The following CCDC74B variants were observed in gnomAD, a reference collection of about 807,000 sequenced individuals.
The protein encoded by CCDC74B is coiled-coil domain-containing protein 74B.
CCDC74B carries 34 observed loss-of-function variants against 38.0 expected under a neutral mutation model. That is an observed-to-expected ratio of 0.89 (90% CI 0.68 to 1.19). The LOEUF (loss-of-function observed/expected upper bound fraction) is 1.19, where lower values mean the gene tolerates loss of function less well. CCDC74B is among the 50% of genes most tolerant of loss of function. The probability of loss-of-function intolerance (pLI) is 0.00; values close to 1 mark genes in which losing one functional copy is unlikely to be tolerated. For missense variants in CCDC74B, 358 were observed against 406.0 expected (o/e 0.88, Z 1.02); for synonymous variants, 132 against 170.4 (o/e 0.77, Z 1.76).
At chr2:130,144,163 G>A (rs1435430392) in intron 1 of CCDC74B, among the ~76,000 whole-genome samples, 1 of 152,150 alleles carries the variant, frequency 6.6e-6, no homozygotes, top group African/African-American at 2.4e-5. Context: ...TTTTTGAGAC[G>A]GAGTCTCGCT....
Position 130,144,860 on chromosome 2 carries a change from G to A in CCDC74B, c.137C>T (p.Pro46Leu), listed in dbSNP as rs145189757. Residue 46 changes from proline to leucine, a missense_variant, in exon 1 of 8, where the codon CCG (proline) becomes CTG (leucine). Coordinates refer to ENST00000409943, the MANE Select transcript of CCDC74B (RefSeq NM_001258307.2). ...CTCCAGGTCCAGGTTCCGTTTCTGCGGGTCGCTCTGCCTGAGCTGCGGGCT... is the reference window on the plus strand; with the variant it reads ...CTCCAGGTCCAGGTTCCGTTTCTGCAGGTCGCTCTGCCTGAGCTGCGGGCT... Reference protein sequence around the residue: ...PQSPQLRQSDPQKRNLDLEKS... With the variant: ...PQSPQLRQSDLQKRNLDLEKS... 140 of 1,613,492 alleles carry A rather than the reference G, an allele frequency of 8.7e-5. 2 individuals are homozygous for A. The African/African-American group carries it at 1.7e-3, about 20-fold the overall frequency.
At chr2:130,144,060 C>G (rs1685858359) in intron 1 of CCDC74B, among the ~76,000 whole-genome samples, 1 of 152,184 alleles carries the variant, frequency 6.6e-6, no homozygotes, top group Non-Finnish European at 1.5e-5. Flanking sequence ...TGCTCCTGAT[C>G]CGATGTGTTT....
At chr2:130,144,719 G>A in intron 1 of CCDC74B, 28 bp downstream of exon 1, 2 of 1,609,166 alleles carry the variant, frequency 1.2e-6, no homozygotes, top group Non-Finnish European at 1.7e-6. Context: ...GGGAGGCAGG[G>A]CCGGCCTAGG....
intron 3 of CCDC74B, 56 bp downstream of exon 3, chr2:130,142,077 C>T: frequency 1.3e-6 from 2 of 1,594,816 alleles, no homozygotes; most frequent in Middle Eastern, 1.8e-4. Context: ...GCCACCCAGG[C>T]TGGGGTCCCC....
rs199737933 is a variant in CCDC74B, at chr2:130,139,655, A to G, written c.845T>C (p.Ile282Thr). The change falls in exon 8 of 8, where the codon ATC (isoleucine) becomes ACC (threonine). Residue 282 changes from isoleucine to threonine, a missense_variant. Coordinates refer to ENST00000409943, the MANE Select transcript of CCDC74B (RefSeq NM_001258307.2). ...CGGGGTCTGCTTCAGTGCGGGCAGG[A>G]TGGCACGCTCCGCCACAGGTGGGCT... is the stretch of plus-strand genomic sequence containing the variant. ...LLSPPVAERA[I>T]LPALKQTPKN... is the part of the protein sequence containing the mutation. 2.0e-4 allele frequency: 329 copies of G among 1,613,162 alleles called. 2 individuals are homozygous for G. The highest frequency in any genetic ancestry group is 2.3e-4 in the Non-Finnish European group (268 of 1,179,972).
chr2:130,140,256 G>C lies in CCDC74B; in HGVS notation c.601C>G (p.Arg201Gly). The C allele has an allele frequency of 6.2e-7, 1 of 1,613,444 alleles. No homozygotes were observed. The highest frequency in any genetic ancestry group is 2.2e-5 in the East Asian group (1 of 44,858). ...CACTGCCTAAGTGTGGTGGGCTTTC[G>C]CAGGGGAAGGGGCAGGATCATTGGG... Reference protein sequence around the residue: ...HPPMILPLPLRKPTTLRQCEV... With the variant: ...HPPMILPLPLGKPTTLRQCEV... Residue 201 changes from arginine (R) to glycine (G), a missense_variant, in exon 5 of 8, where the codon CGA becomes GGA. By Grantham distance (125) the Arg-to-Gly change is moderately radical (BLOSUM62 -2). Coordinates refer to ENST00000409943, the MANE Select transcript of CCDC74B (RefSeq NM_001258307.2).
intron 3 of CCDC74B, chr2:130,141,654 G>C: frequency 5.1e-6 from 2 of 395,854 alleles, no homozygotes; most frequent in East Asian, 5.4e-5. Flanking sequence ...AATGGTGAGG[G>C]TTAGGGCTGG....
rs375043900 is a variant in CCDC74B at position 130,140,176 on chromosome 2, C to T, written c.678+3G>A. On this transcript the variant is annotated splice_donor_region_variant and intron_variant, in intron 5 of 7. Transcript: ENST00000409943. ...GGGCCACCCCCACCACCCAGGGCCTCACCTCTTGGGTCTGCAGGAGGTTGG... is the reference window on the plus strand; with the variant it reads ...GGGCCACCCCCACCACCCAGGGCCTTACCTCTTGGGTCTGCAGGAGGTTGG... 3.7e-6 allele frequency: 6 copies of T among 1,612,652 alleles called. No homozygotes were observed. The highest frequency in any genetic ancestry group is 2.2e-5 in the East Asian group (1 of 44,844).
At position 130,144,860 on chromosome 2, in the gene CCDC74B, G is replaced by C. The variant is rs145189757; in HGVS notation, c.137C>G (p.Pro46Arg). 6.2e-7 allele frequency: 1 copy of C among 1,613,494 alleles called. No individual in the cohort carries two copies. ...PQSPQLRQSDPQKRNLDLEKS... is the reference protein window; with the variant it reads ...PQSPQLRQSDRQKRNLDLEKS... ...CTCCAGGTCCAGGTTCCGTTTCTGC[G>C]GGTCGCTCTGCCTGAGCTGCGGGCT... The change falls in exon 1 of 8, where the codon CCG (proline) becomes CGG (arginine). Residue 46 changes from proline to arginine, a missense_variant. Pro to Arg is a moderately radical substitution (Grantham distance 103, BLOSUM62 -2). Coordinates refer to ENST00000409943, the MANE Select transcript of CCDC74B (RefSeq NM_001258307.2).
intron 2 of CCDC74B, chr2:130,142,615 A>G (rs28743163): frequency 0.39 from 599,728 of 1,542,750 alleles, 120,197 homozygotes; most frequent in African/African-American, 0.65. Flanking sequence ...TGCCCCAGCT[A>G]CGATGTTCCC....
chr2:130,143,126 G>T, intron 2 of CCDC74B, 143 bp downstream of exon 2: 1 of 1,518,760 alleles, frequency 6.6e-7, no homozygotes, highest in Non-Finnish European at 8.8e-7. Flanking sequence ...TAGAGGTAGC[G>T]GCATCTGTCC....
chr2:130,142,146 G>C lies in CCDC74B; in HGVS notation c.333C>G (p.Ser111=). The C allele has an allele frequency of 6.2e-7, 1 of 1,613,692 alleles. No homozygotes were observed. Among genetic ancestry groups the C allele is most frequent in the Non-Finnish European group, 8.5e-7 (1 of 1,179,838 alleles). ...CAGCCTGCTCACCTGAATTAGAGAT[G>C]GACTTGACAGACTGGAAGCTTGACG... The part of the protein sequence containing the change: ...LSTSSFQSVK[S]ISNSGKARPQ... The change falls in exon 3 of 8, where the codon TCC becomes TCG. Residue 111 remains serine (S), a synonymous_variant. Transcript: ENST00000409943.
At chr2:130,140,740 AG>A (rs1184059603) in intron 4 of CCDC74B, 2 of 378,698 alleles carry the variant, frequency 5.3e-6, no homozygotes, top group African/African-American at 4.3e-5. Flanking sequence ...GTAGCATCTC[AG>A]GGCAGTCCCG....
Position 130,139,610 on chromosome 2 carries a change from C to T in CCDC74B, c.890G>A (p.Arg297Lys). The change falls in exon 8 of 8, where the codon AGG becomes AAG. Residue 297 changes from arginine (R) to lysine (K), a missense_variant. Arg to Lys is a conservative substitution (Grantham distance 26). This residue lies in a region of CCDC74B where 213 missense variants were observed against 212.3 expected (regional missense o/e 1.00). Coordinates refer to ENST00000409943, the MANE Select transcript of CCDC74B (RefSeq NM_001258307.2). ...CTGCATTGCCTGCAGCCTCTTCTGC[C>T]TCTCGGCAAAGTTGTTCTTCGGGGT... ...KQTPKNNFAE[R>K]QKRLQAMQKR... is the part of the protein sequence containing the mutation. The T allele has an allele frequency of 6.2e-7, 1 of 1,613,486 alleles. No homozygotes were observed. Among genetic ancestry groups the T allele is most frequent in the Non-Finnish European group, 8.5e-7 (1 of 1,179,986 alleles).
chr2:130,139,808 C>T (rs574290373), intron 7 of CCDC74B, 83 bp downstream of exon 7: 50 of 1,609,118 alleles, frequency 3.1e-5, no homozygotes, highest in South Asian at 6.6e-5. Context: ...TCCGCTTCTG[C>T]GCTGCCACGC....
Position 130,140,323 on chromosome 2 carries a change from G to A in CCDC74B, c.534C>T (p.Asn178=), listed in dbSNP as rs746098804. ...CCATCTGCCTGCCCTGGTGCTGGCT[G>A]TTCCCCATACAGGCAGCTCCTGCGT... ...ASNAGAACMG[N]SQHQGRQMGA... is the part of the protein sequence containing the mutation. Residue 178 remains asparagine, a synonymous_variant, in exon 5 of 8, where the codon AAC becomes AAT. Transcript: ENST00000409943. The A allele has an allele frequency of 2.5e-6, 4 of 1,610,708 alleles. No individual in the cohort carries two copies. The highest frequency in any genetic ancestry group is 1.1e-5 in the South Asian group (1 of 90,488).
chr2:130,142,600 G>A, intron 2 of CCDC74B: 2 of 1,547,034 alleles, frequency 1.3e-6, no homozygotes. Flanking sequence ...GAGAGCCCTA[G>A]GCACTGCCCC....
At chr2:130,143,583 C>T (rs569304963) in intron 1 of CCDC74B, among the ~76,000 whole-genome samples, 5 of 152,348 alleles carry the variant, frequency 3.3e-5, no homozygotes, top group Admixed American at 2.0e-4. Flanking sequence ...CACTGCCAGG[C>T]AGAACCTGGG....
intron 4 of CCDC74B, 43 bp from the exon 5 acceptor site, chr2:130,140,414 G>C (rs758547546): frequency 6.6e-7 from 1 of 1,512,246 alleles, no homozygotes. Context: ...CTGCCCAGGT[G>C]CGTCTAACCA....
Sources: allele counts gnomAD v4.1 joint callset (sites outside exome capture counted in the v4.1 genomes callset), GRCh38; gene constraint gnomAD v4.1.1; regional missense constraint gnomAD v4.1.1; transcripts MANE v1.5; gene names NCBI Gene and HGNC (gene_info 2026-07-23, HGNC 2026-07-21).